The following IQCK variants were observed in gnomAD, a reference collection of about 807,000 sequenced individuals.
IQCK encodes the protein IQ domain-containing protein K.
IQCK carries 29 observed loss-of-function variants against 28.1 expected under a neutral mutation model. The ratio of observed to expected loss-of-function variants is 1.03; its 90% CI spans 0.77 to 1.41. The LOEUF (loss-of-function observed/expected upper bound fraction) is 1.41, where lower values mean the gene tolerates loss of function less well. Ranked by LOEUF, IQCK falls within the 40% of genes most tolerant of loss-of-function variation. IQCK has a pLI of 0.00. For synonymous variants in IQCK, 113 were observed against 115.1 expected (o/e 0.98, Z 0.12); for missense variants, 359 against 314.7 (o/e 1.14, Z -1.07).
intron 4 of IQCK, among the ~76,000 whole-genome samples, chr16:19,746,040 G>A (rs2054906297): frequency 6.6e-6 from 1 of 151,868 alleles, no homozygotes; most frequent in African/African-American, 2.4e-5. Flanking sequence ...CTGGTGGCAT[G>A]TGCCTGTAAT....
At chr16:19,823,703 G>A (rs1388137766) in intron 7 of IQCK, among the ~76,000 whole-genome samples, 2 of 152,150 alleles carry the variant, frequency 1.3e-5, no homozygotes, top group Non-Finnish European at 2.9e-5. Context: ...TTGGGACGCC[G>A]AGGTGGGCAG....
exon 4 of IQCK, chr16:19,735,422 A>G (rs1423375822): frequency 2.5e-6 from 4 of 1,613,802 alleles, no homozygotes; most frequent in Admixed American, 1.7e-5. Flanking sequence ...AGCCTGCTTC[A>G]CCAAGCGAAG....
chr16:19,782,568 C>T lies in IQCK; in HGVS notation c.606-6270C>T, dbSNP rs1002654611. 7.2e-5 allele frequency among the ~76,000 whole-genome samples: 11 copies of T among 151,948 alleles called. 1 individual carries two copies. The highest frequency in any genetic ancestry group is 2.6e-4 in the Admixed American group (4 of 15,244). On this transcript the variant is annotated intron_variant, in intron 6 of 7. Transcript: ENST00000564186. ...GCTTGAGCCCAGGAATTTGAGGCTG[C>T]AGTGAGCTATGATCATGCCACTACA...
chr16:19,847,470 C>T (rs544541347), intron 9 of IQCK, among the ~76,000 whole-genome samples: 1 of 152,368 alleles, frequency 6.6e-6, no homozygotes, highest in South Asian at 2.1e-4. Flanking sequence ...CAGCCAGCTC[C>T]CTCATGCCCC....
At chr16:19,745,207 TTC>T (rs879819059) in intron 4 of IQCK, among the ~76,000 whole-genome samples, 1 of 152,222 alleles carries the variant, frequency 6.6e-6, no homozygotes, top group Non-Finnish European at 1.5e-5. Context: ...GTTATTTTCT[TTC>T]TCTCTTTCCT....
At chr16:19,834,759 AG>A (rs1367731625) in intron 9 of IQCK, among the ~76,000 whole-genome samples, 1 of 152,222 alleles carries the variant, frequency 6.6e-6, no homozygotes, top group Non-Finnish European at 1.5e-5. Context: ...TCTACATTTG[AG>A]GAGCAGAGAA....
intron 6 of IQCK, among the ~76,000 whole-genome samples, chr16:19,777,951 G>A (rs1309734190): frequency 1.3e-5 from 2 of 152,148 alleles, no homozygotes; most frequent in African/African-American, 2.4e-5. Context: ...TACTCCGGAG[G>A]CTGAGGTGAG....
intron 9 of IQCK, among the ~76,000 whole-genome samples, chr16:19,838,787 G>A (rs2056328645): frequency 6.6e-6 from 1 of 152,100 alleles, no homozygotes; most frequent in East Asian, 1.9e-4. Context: ...GGGAGGCCGA[G>A]GTGGGCAGAT....
intron 4 of IQCK, among the ~76,000 whole-genome samples, chr16:19,749,669 G>A (rs1313451388): frequency 2.6e-5 from 4 of 152,106 alleles, no homozygotes; most frequent in East Asian, 1.9e-4. Flanking sequence ...AGAAGGCTGA[G>A]GTGGGAGAAT....
At chr16:19,729,414 T>C (rs1017917509) in intron 1 of IQCK, among the ~76,000 whole-genome samples, 30 of 151,850 alleles carry the variant, frequency 2.0e-4, no homozygotes, top group African/African-American at 6.8e-4. Context: ...CTGTGGACTG[T>C]TCTTTGTGTT....
In IQCK at chr16:19,761,268, A is replaced by G. The variant is rs1157199320; in HGVS notation, c.475-2580A>G. On this transcript the variant is annotated intron_variant, in intron 4 of 7. Coordinates refer to ENST00000564186, the Ensembl canonical transcript of IQCK. ...CATTCCGAAGGGGTTATACTTCACCATATGAATTTTGGGGTGATACAATTC... is the reference window on the plus strand; with the variant it reads ...CATTCCGAAGGGGTTATACTTCACCGTATGAATTTTGGGGTGATACAATTC... 9.8e-6 allele frequency: 4 copies of G among 408,002 alleles called. No homozygotes were observed. In the East Asian group the frequency reaches 2.9e-4, roughly 29 times the overall value. 25.3% of individuals were successfully genotyped at this position (408,002 alleles called of 1,614,324 possible). A position where few individuals can be genotyped will look rare whatever the true frequency, so the allele number is the denominator to read the frequency against.
In IQCK at chr16:19,764,119, A is replaced by C; in HGVS notation, c.605+7A>C. The C allele has an allele frequency of 1.9e-6, 3 of 1,601,020 alleles. No individual in the cohort carries two copies. The highest frequency in any genetic ancestry group is 2.6e-6 in the Non-Finnish European group (3 of 1,168,954). Reference sequence around the variant, plus strand: ...AGGAGCGGCTAAAGCAACAGTGAGTATGACACAAGGCTTTGAATAATTTAT... The same window carrying C: ...AGGAGCGGCTAAAGCAACAGTGAGTCTGACACAAGGCTTTGAATAATTTAT... On this transcript the variant is annotated splice_region_variant and intron_variant, in intron 6 of 7. Coordinates refer to ENST00000564186, the Ensembl canonical transcript of IQCK.
Position 19,718,913 on chromosome 16 carries a change from C to T in IQCK, c.181+426C>T, listed in dbSNP as rs13338725. Among the ~76,000 whole-genome samples the T allele has an allele frequency of 4.2e-3, 634 of 152,302 alleles. 3 individuals carry two copies. The highest frequency in any genetic ancestry group is 6.8e-3 in the Middle Eastern group (2 of 294). ...GAATCTGCACTTTTTAAAAGAGCACCCCAGGTAATCCTAACGTAGGTAGTC... is the reference window on the plus strand; with the variant it reads ...GAATCTGCACTTTTTAAAAGAGCACTCCAGGTAATCCTAACGTAGGTAGTC... On this transcript the variant is annotated intron_variant, in intron 1 of 7. Transcript: ENST00000564186.
chr16:19,837,679 T>A (rs1178055801), intron 9 of IQCK, among the ~76,000 whole-genome samples: 2 of 152,204 alleles, frequency 1.3e-5, no homozygotes, highest in Admixed American at 6.5e-5. Flanking sequence ...AAAAATAAAG[T>A]TTTTATTCCA....
chr16:19,842,955 CG>C (rs1211287394), intron 9 of IQCK, among the ~76,000 whole-genome samples: 1 of 152,004 alleles, frequency 6.6e-6, no homozygotes, highest in African/African-American at 2.4e-5. Flanking sequence ...AAGCCTGGCC[CG>C]GGGGAGTTGT....
chr16:19,775,024 G>C (rs1323589151), intron 6 of IQCK, among the ~76,000 whole-genome samples: 1 of 151,964 alleles, frequency 6.6e-6, no homozygotes, highest in Non-Finnish European at 1.5e-5. Flanking sequence ...TCAGGAGTTC[G>C]AGACCACCCT....
intron 4 of IQCK, among the ~76,000 whole-genome samples, chr16:19,753,575 G>C (rs185275486): frequency 1.4e-4 from 21 of 152,286 alleles, no homozygotes; most frequent in Admixed American, 1.2e-3. Flanking sequence ...TCAGGGTGCT[G>C]TTACCAAAAT....
At chr16:19,728,314 T>C (rs892915296) in intron 1 of IQCK, among the ~76,000 whole-genome samples, 2 of 152,216 alleles carry the variant, frequency 1.3e-5, no homozygotes, top group Admixed American at 1.3e-4. Flanking sequence ...AATGGTGAGA[T>C]CTTGGTTCAC....
chr16:19,821,717 A>T (rs952830986), intron 7 of IQCK, among the ~76,000 whole-genome samples: 4 of 151,860 alleles, frequency 2.6e-5, no homozygotes, highest in Non-Finnish European at 5.9e-5. Flanking sequence ...ACAAACAAAA[A>T]CTCATACACA....
Sources: allele counts gnomAD v4.1 joint callset (sites outside exome capture counted in the v4.1 genomes callset), GRCh38; gene constraint gnomAD v4.1.1; transcripts MANE v1.5; gene names NCBI Gene and HGNC (gene_info 2026-07-23, HGNC 2026-07-21).